The following ABCB1 variants were observed in gnomAD, a reference collection of about 807,000 sequenced individuals.
ABCB1 encodes the protein ATP binding cassette subfamily B member 1, also known as ATP-dependent translocase ABCB1.
In ABCB1, 69 loss-of-function variants were observed where a neutral mutation model predicts 142.0. The observed-to-expected ratio is 0.49, with a 90% CI of 0.40 to 0.59. The LOEUF is 0.59. Among genes scored for constraint, ABCB1 ranks in the 20% least tolerant of loss-of-function variants. The probability of loss-of-function intolerance (pLI) is 0.00; values close to 1 mark genes in which losing one functional copy is unlikely to be tolerated. For synonymous variants in ABCB1, 532 were observed against 539.2 expected (o/e 0.99, Z 0.18); for missense variants, 1,326 against 1,554.7 (o/e 0.85, Z 2.47).
At chr7:87,616,017 G>A (rs1045560512) in intron 1 of ABCB1, among the ~76,000 whole-genome samples, 1 of 152,042 alleles carries the variant, frequency 6.6e-6, no homozygotes, top group African/African-American at 2.4e-5. Context: ...TAAATAGAAG[G>A]TACAATTTAT....
intron 24 of ABCB1, 74 bp from the exon 25 acceptor site, chr7:87,515,502 T>C: frequency 1.5e-6 from 2 of 1,323,288 alleles, no homozygotes; most frequent in Admixed American, 1.8e-5. Flanking sequence ...ACTCTCTCGA[T>C]TACCAGGTGT....
At chr7:87,626,098 ATTG>A (rs1820445866) in intron 1 of ABCB1, among the ~76,000 whole-genome samples, 1 of 105,054 alleles carries the variant, frequency 9.5e-6, no homozygotes, top group African/African-American at 4.0e-5. Flanking sequence ...ATATATATAT[ATTG>A]TCATATATAT....
intron 19 of ABCB1, among the ~76,000 whole-genome samples, chr7:87,537,333 C>G (rs1429787496): frequency 6.6e-6 from 1 of 152,230 alleles, no homozygotes; most frequent in African/African-American, 2.4e-5. Flanking sequence ...GAGCTACAGG[C>G]AGCCTTCAGC....
intron 1 of ABCB1, among the ~76,000 whole-genome samples, chr7:87,606,878 T>C (rs998643968): frequency 6.6e-6 from 1 of 152,182 alleles, no homozygotes; most frequent in Non-Finnish European, 1.5e-5. Context: ...TTCAGAATCC[T>C]GGTTATTAGT....
chr7:87,539,990 C>G (rs1433017904), intron 18 of ABCB1, among the ~76,000 whole-genome samples: 1 of 152,178 alleles, frequency 6.6e-6, no homozygotes, highest in East Asian at 1.9e-4. Flanking sequence ...GTTGGTATGG[C>G]AATCCTATAA....
intron 26 of ABCB1, 79 bp from the exon 27 acceptor site, chr7:87,506,122 A>G (rs1303493917): frequency 2.7e-5 from 39 of 1,428,614 alleles, no homozygotes; most frequent in Non-Finnish European, 3.7e-5. Context: ...AGTAGGATAG[A>G]CGATTCTATA....
intron 17 of ABCB1, 36 bp from the exon 18 acceptor site, chr7:87,541,500 C>T: frequency 1.4e-6 from 2 of 1,408,658 alleles, no homozygotes; most frequent in East Asian, 2.3e-5. Context: ...TTAGTTCAAT[C>T]AGTGAAGAAC....
At chr7:87,561,534 T>A in intron 7 of ABCB1, 147 bp from the exon 8 acceptor site, 1 of 772,608 alleles carries the variant, frequency 1.3e-6, no homozygotes, top group Non-Finnish European at 2.0e-6. Flanking sequence ...TGGTCTGTAT[T>A]AACAGCCACT....
intron 17 of ABCB1, 102 bp from the exon 18 acceptor site, chr7:87,541,566 C>T: frequency 1.2e-6 from 1 of 823,202 alleles, no homozygotes; most frequent in Non-Finnish European, 2.1e-6. Flanking sequence ...GTCAGGAGAG[C>T]CTTAGTACGC....
At chr7:87,555,716 A>G (rs1027514757) in intron 8 of ABCB1, among the ~76,000 whole-genome samples, 3 of 152,180 alleles carry the variant, frequency 2.0e-5, no homozygotes, top group African/African-American at 7.2e-5. Flanking sequence ...TCAATTATTT[A>G]TATACACATA....
At chr7:87,693,511 T>TC (rs1408323806) in intron 1 of ABCB1, among the ~76,000 whole-genome samples, 2 of 152,196 alleles carry the variant, frequency 1.3e-5, no homozygotes, top group Non-Finnish European at 2.9e-5. Context: ...TGATTTTTTT[T>TC]CCTAACCAAT....
chr7:87,587,533 G>A (rs960054007), intron 3 of ABCB1, among the ~76,000 whole-genome samples: 2 of 152,180 alleles, frequency 1.3e-5, no homozygotes, highest in Admixed American at 6.5e-5. Flanking sequence ...TTGTGAAAAG[G>A]CTTCATATGA....
chr7:87,596,507 A>G (rs1819213091), intron 2 of ABCB1, among the ~76,000 whole-genome samples: 1 of 152,108 alleles, frequency 6.6e-6, no homozygotes, highest in South Asian at 2.1e-4. Flanking sequence ...TTGAGCCCAG[A>G]TACAAATGAA....
intron 1 of ABCB1, among the ~76,000 whole-genome samples, chr7:87,606,286 A>G (rs1819649637): frequency 6.6e-6 from 1 of 152,136 alleles, no homozygotes; most frequent in Non-Finnish European, 1.5e-5. Flanking sequence ...ATTTTGAAAA[A>G]TGAGACTATC....
chr7:87,689,942 T>G (rs1827856837), intron 1 of ABCB1, among the ~76,000 whole-genome samples: 1 of 152,158 alleles, frequency 6.6e-6, no homozygotes, highest in South Asian at 2.1e-4. Context: ...TGCACTATAT[T>G]TTTACTTTAA....
chr7:87,694,074 T>C, intron 1 of ABCB1: 1 of 1,527,162 alleles, frequency 6.5e-7, no homozygotes, highest in Non-Finnish European at 8.7e-7. Context: ...ATGGGTTTTG[T>C]AAAGCCTTCT....
intron 1 of ABCB1, among the ~76,000 whole-genome samples, chr7:87,675,013 A>C (rs1360966636): frequency 1.3e-5 from 2 of 152,202 alleles, no homozygotes; most frequent in African/African-American, 4.8e-5. Context: ...CTTTTCAGGC[A>C]TCTCTCCCTG....
intron 1 of ABCB1, among the ~76,000 whole-genome samples, chr7:87,626,579 A>G (rs201720192): frequency 6.7e-5 from 1 of 14,920 alleles, no homozygotes. Flanking sequence ...TGTCATATAT[A>G]TGTGTCATAT....
intron 1 of ABCB1, among the ~76,000 whole-genome samples, chr7:87,647,865 G>A (rs1354500664): frequency 2.0e-5 from 3 of 152,064 alleles, no homozygotes; most frequent in African/African-American, 7.2e-5. Context: ...TGGCCAACTT[G>A]CAGAGATGAA....
Sources: gnomAD v4.1 joint callset for allele counts (sites outside exome capture counted in the v4.1 genomes callset) on GRCh38, gnomAD v4.1.1 for gene constraint, MANE v1.5 for transcripts, NCBI Gene and HGNC (gene_info 2026-07-23, HGNC 2026-07-21) for gene names.